The following ICA1L variants were observed in gnomAD, a reference collection of about 807,000 sequenced individuals.
ICA1L encodes the protein islet cell autoantigen 1 like, also known as islet cell autoantigen 1-like protein.
ICA1L carries 50 observed loss-of-function variants against 61.3 expected under a neutral mutation model. That is an observed-to-expected ratio of 0.82 (90% CI 0.65 to 1.03). The LOEUF is 1.03. ICA1L is among the 50% of genes least tolerant of loss of function. ICA1L has a pLI of 0.00. For missense variants in ICA1L, 508 were observed against 556.7 expected (o/e 0.91, Z 0.88); for synonymous variants, 161 against 191.3 (o/e 0.84, Z 1.31).
chr2:202,825,623 A>G (rs891483015), intron 3 of ICA1L, 72 bp downstream of exon 3: 9 of 1,341,534 alleles, frequency 6.7e-6, no homozygotes, highest in Non-Finnish European at 9.0e-6. Flanking sequence ...TTTACATTAA[A>G]TCTTTCATTT....
At chr2:202,811,011 C>T (rs543723668) in intron 9 of ICA1L, among the ~76,000 whole-genome samples, 158 of 152,292 alleles carry the variant, frequency 1.0e-3, no homozygotes, top group African/African-American at 3.6e-3. Flanking sequence ...ATTTTAACTT[C>T]GCCCCTGTCC....
chr2:202,809,973 A>G (rs1693328797), intron 9 of ICA1L, among the ~76,000 whole-genome samples: 1 of 152,150 alleles, frequency 6.6e-6, no homozygotes, highest in African/African-American at 2.4e-5. Context: ...GAAAGATACC[A>G]CTATCCAAGT....
intron 1 of ICA1L, among the ~76,000 whole-genome samples, chr2:202,866,581 T>A (rs1687520824): frequency 6.6e-6 from 1 of 152,176 alleles, no homozygotes; most frequent in South Asian, 2.1e-4. Context: ...AAAGAATTGC[T>A]CAACTCTTAA....
At chr2:202,868,395 T>C (rs1687586603) in intron 1 of ICA1L, among the ~76,000 whole-genome samples, 1 of 152,180 alleles carries the variant, frequency 6.6e-6, no homozygotes, top group South Asian at 2.1e-4. Context: ...AGTATAACCA[T>C]TTTGGAAAAT....
At chr2:202,868,540 T>C (rs1467559821) in intron 1 of ICA1L, among the ~76,000 whole-genome samples, 1 of 152,200 alleles carries the variant, frequency 6.6e-6, no homozygotes, top group Non-Finnish European at 1.5e-5. Flanking sequence ...ACACAGTAGA[T>C]ACTCAATAAG....
chr2:202,786,660 A>G, intron 11 of ICA1L: 1 of 435,682 alleles, frequency 2.3e-6, no homozygotes, highest in Non-Finnish European at 4.5e-6. Flanking sequence ...GCTGAAACCT[A>G]TAAATATGCT....
chr2:202,857,991 G>A (rs1049411073), intron 1 of ICA1L, among the ~76,000 whole-genome samples: 1 of 152,180 alleles, frequency 6.6e-6, no homozygotes, highest in Admixed American at 6.5e-5. Context: ...AGAGGATGTG[G>A]AGAAATAGGA....
chr2:202,866,750 A>C (rs1203280417), intron 1 of ICA1L, among the ~76,000 whole-genome samples: 1 of 152,146 alleles, frequency 6.6e-6, no homozygotes, highest in East Asian at 1.9e-4. Flanking sequence ...GTTCGAGACC[A>C]GTCTGGCCAA....
In ICA1L at chr2:202,778,443, C is replaced by T. The variant is rs1488602161; in HGVS notation, c.*1090G>A. 10 of 152,160 alleles carry T rather than the reference C, an allele frequency of 6.6e-5. No homozygotes were observed. Among genetic ancestry groups the T allele is most frequent in the Non-Finnish European group, 1.2e-4 (8 of 68,030 alleles). 9.4% of individuals were successfully genotyped at this position (152,160 alleles called of 1,614,324 possible). On this transcript the variant is annotated 3_prime_UTR_variant, in exon 13 of 13. Transcript: ENST00000358299. ...AATCAAATAGAACCTCAGATCATGT[C>T]ACCCACAGAAAGAGGGAAGTAGAAA... is the stretch of plus-strand genomic sequence containing the variant.
chr2:202,871,465 A>G (rs1687712703), intron 1 of ICA1L, 154 bp downstream of exon 1: 1 of 151,372 alleles, frequency 6.6e-6, no homozygotes, highest in South Asian at 2.1e-4. Flanking sequence ...GGAGGCCAGC[A>G]AGGCCCCGAG....
chr2:202,814,558 C>T, intron 8 of ICA1L, 144 bp downstream of exon 8: 2 of 634,026 alleles, frequency 3.2e-6, no homozygotes, highest in Non-Finnish European at 5.6e-6. Context: ...ACAAAACAGA[C>T]TATGATACAA....
chr2:202,866,656 T>G (rs1687522519), intron 1 of ICA1L, among the ~76,000 whole-genome samples: 1 of 152,132 alleles, frequency 6.6e-6, no homozygotes, highest in Non-Finnish European at 1.5e-5. Context: ...TTTAAAACTG[T>G]AAAACTCCCG....
intron 1 of ICA1L, among the ~76,000 whole-genome samples, chr2:202,838,464 T>C (rs927949894): frequency 2.0e-5 from 3 of 152,218 alleles, no homozygotes. Context: ...GTAGTTGAAT[T>C]CCAGTGTTTC....
At chr2:202,799,521 G>T (rs13409418) in intron 9 of ICA1L, among the ~76,000 whole-genome samples, 138,360 of 152,262 alleles carry the variant, frequency 0.91, 62,943 homozygotes, top group African/African-American at 0.95. Context: ...TATTAGTCCC[G>T]TGCTGGAAGA....
chr2:202,827,082 T>C (rs1693866034), intron 2 of ICA1L, among the ~76,000 whole-genome samples: 1 of 152,168 alleles, frequency 6.6e-6, no homozygotes, highest in African/African-American at 2.4e-5. Flanking sequence ...TTTAAATGCA[T>C]ATGGAAGAAG....
intron 1 of ICA1L, among the ~76,000 whole-genome samples, chr2:202,861,587 A>AT (rs1020300725): frequency 2.6e-5 from 4 of 151,916 alleles, no homozygotes; most frequent in South Asian, 4.2e-4. Context: ...ATAAGTAGAC[A>AT]TTTTTTTAAA....
chr2:202,816,846 GTTAC>G (rs1362663830), intron 6 of ICA1L, among the ~76,000 whole-genome samples: 5 of 152,134 alleles, frequency 3.3e-5, no homozygotes, highest in African/African-American at 1.2e-4. Context: ...TTCATTGTGT[GTTAC>G]TTATATGTGA....
chr2:202,857,032 A>G (rs1694787411), intron 1 of ICA1L, among the ~76,000 whole-genome samples: 1 of 152,260 alleles, frequency 6.6e-6, no homozygotes, highest in Non-Finnish European at 1.5e-5. Flanking sequence ...GGAAGAATCA[A>G]TATCATGAAA....
At chr2:202,869,372 G>C (rs182877781) in intron 1 of ICA1L, among the ~76,000 whole-genome samples, 21 of 151,794 alleles carry the variant, frequency 1.4e-4, no homozygotes, top group Admixed American at 6.6e-4. Flanking sequence ...AATAAAATAA[G>C]AAATAAAATA....
Sources: gnomAD v4.1 joint callset for allele counts (sites outside exome capture counted in the v4.1 genomes callset) on GRCh38, gnomAD v4.1.1 for gene constraint, MANE v1.5 for transcripts, NCBI Gene and HGNC (gene_info 2026-07-23, HGNC 2026-07-21) for gene names.